Variants in PSMD1 observed in about 807,000 individuals in gnomAD.
PSMD1 encodes the protein 26S proteasome non-ATPase regulatory subunit 1.
Under a neutral mutation model 119.0 loss-of-function variants are expected in PSMD1, and 18 were observed. The observed-to-expected ratio is 0.15, with a 90% CI of 0.10 to 0.22. The LOEUF is 0.22. PSMD1 is among the 10% of genes least tolerant of loss of function. PSMD1 has a pLI of 1.00. For missense variants in PSMD1, 702 were observed against 1,158.5 expected (o/e 0.61, Z 5.72); for synonymous variants, 374 against 396.6 (o/e 0.94, Z 0.68).
At chr2:231,058,520 C>CTTT (rs35559920) in intron 1 of PSMD1, among the ~76,000 whole-genome samples, 8 of 142,684 alleles carry the variant, frequency 5.6e-5, no homozygotes, top group African/African-American at 1.8e-4. Context: ...ATATACAAAC[C>CTTT]TTTTTTTTTT....
At position 231,075,740 on chromosome 2, in the gene PSMD1, C is replaced by T. The variant is rs142124000; in HGVS notation, c.942+169C>T. Among the ~76,000 whole-genome samples, 110 of 152,188 alleles carry T rather than the reference C, an allele frequency of 7.2e-4. No homozygotes were observed. The East Asian group carries it at 0.016, about 23-fold the overall frequency. Reference sequence around the variant, plus strand: ...CTGGGATTGCAGGCATGTACCACCACGCCTGGCTAAGTTTTGTATTTTTTG... The same window carrying T: ...CTGGGATTGCAGGCATGTACCACCATGCCTGGCTAAGTTTTGTATTTTTTG... On this transcript the variant is annotated intron_variant, in intron 8 of 24. Transcript: ENST00000308696.
intron 7 of PSMD1, among the ~76,000 whole-genome samples, chr2:231,073,082 A>G (rs1318138277): frequency 6.6e-6 from 1 of 152,078 alleles, no homozygotes; most frequent in Non-Finnish European, 1.5e-5. Context: ...GTCTCAGGGA[A>G]TAGGGAGTCC....
chr2:231,170,361 G>T lies in PSMD1; in HGVS notation c.2716-205G>T. 2.2e-6 allele frequency: 1 copy of T among 456,506 alleles called. No individual in the cohort carries two copies. The highest frequency in any genetic ancestry group is 3.8e-6 in the Non-Finnish European group (1 of 265,848). The allele number at this position is 456,506 out of a possible 1,614,324, so 28.3% of individuals were successfully genotyped here. The stretch of plus-strand genomic sequence containing the variant: ...TCATCCAAGTAGAACAGCATCACAT[G>T]TTATACCATCTAGAGCTACTGGGTT... On this transcript the variant is annotated intron_variant, in intron 23 of 24. Transcript: ENST00000308696. The surrounding 1 kb of genome is among the most constrained non-coding windows in gnomAD (Gnocchi z 4.1).
At chr2:231,057,193 G>A in intron 1 of PSMD1, 152 bp downstream of exon 1, 1 of 987,262 alleles carries the variant, frequency 1.0e-6, no homozygotes, top group Non-Finnish European at 1.4e-6. Flanking sequence ...CCGGGGGGCT[G>A]GGAGTCTGAT....
At chr2:231,139,510 G>GT (rs1163591651) in intron 17 of PSMD1, among the ~76,000 whole-genome samples, 4 of 141,736 alleles carry the variant, frequency 2.8e-5, no homozygotes, top group Admixed American at 7.1e-5. Flanking sequence ...GCCTCCCACA[G>GT]TGCTGAGATT....
In PSMD1 at chr2:231,170,676, A is replaced by T; in HGVS notation, c.2826A>T (p.Pro942=). ...GPKIEEEEQE[P]EPPEPFEYID... is the part of the protein sequence containing the mutation. ...AAATCGAGGAGGAGGAACAAGAGCC[A>T]GAACCCCCAGAACCATTTGAGTATA... The change falls in exon 24 of 25, where the codon CCA becomes CCT. Residue 942 remains proline (P), a synonymous_variant. Transcript: ENST00000308696. This position sits in a 1 kb window ranked among gnomAD's most constrained non-coding sequence, Gnocchi z 4.1. 6.2e-7 allele frequency: 1 copy of T among 1,613,882 alleles called. No homozygotes were observed. The highest frequency in any genetic ancestry group is 1.3e-5 in the African/African-American group (1 of 75,026).
chr2:231,141,079 G>A (rs899871503), intron 17 of PSMD1, among the ~76,000 whole-genome samples: 9 of 152,148 alleles, frequency 5.9e-5, no homozygotes, highest in South Asian at 2.1e-4. Context: ...ATGCCGAGGC[G>A]GGCGGATCAC....
chr2:231,107,215 C>T (rs916858668), intron 16 of PSMD1, among the ~76,000 whole-genome samples: 1 of 152,192 alleles, frequency 6.6e-6, no homozygotes, highest in African/African-American at 2.4e-5. Context: ...ATTAGAGCCG[C>T]ATTCTAGCAA....
intron 23 of PSMD1, among the ~76,000 whole-genome samples, chr2:231,167,795 A>G (rs1372737238): frequency 1.3e-5 from 2 of 152,254 alleles, no homozygotes; most frequent in African/African-American, 4.8e-5. Flanking sequence ...CCAACTCAAC[A>G]ATAAAAAGAC....
intron 16 of PSMD1, among the ~76,000 whole-genome samples, chr2:231,115,242 G>A (rs765471950): frequency 2.6e-5 from 4 of 151,718 alleles, no homozygotes; most frequent in Non-Finnish European, 1.5e-5. Context: ...AGATTTGGCT[G>A]TTATTTTCAA....
chr2:231,109,453 T>G (rs1559234104), intron 16 of PSMD1: 4 of 1,519,698 alleles, frequency 2.6e-6, no homozygotes, highest in Non-Finnish European at 3.7e-6. Context: ...TTTTATGACC[T>G]GTAACTCTTC....
chr2:231,158,795 T>A (rs1317042768), intron 19 of PSMD1, among the ~76,000 whole-genome samples: 1 of 152,216 alleles, frequency 6.6e-6, no homozygotes, highest in Non-Finnish European at 1.5e-5. Context: ...CTCCTTAGGA[T>A]CTTTTCCAGT....
rs551050748 is a variant in PSMD1, at chr2:231,165,990, G to A, written c.2688G>A (p.Glu896=). ...AGCTTAAGGTCCTAACCATGCCGGA[G>A]ACCTGTAGATACCAGCCTTTCAAAC... ...PAQLKVLTMP[E]TCRYQPFKPL... The change falls in exon 23 of 25, where the codon GAG becomes GAA. Residue 896 remains glutamate (E), a synonymous_variant. Transcript: ENST00000308696. 1.4e-5 allele frequency: 23 copies of A among 1,613,730 alleles called. No individual in the cohort carries two copies. The highest frequency in any genetic ancestry group is 1.3e-5 in the Non-Finnish European group (15 of 1,179,818).
chr2:231,089,250 G>A (rs1013914707), intron 16 of PSMD1, among the ~76,000 whole-genome samples: 1 of 152,208 alleles, frequency 6.6e-6, no homozygotes, highest in African/African-American at 2.4e-5. Flanking sequence ...AAGTTACCCA[G>A]AAGATCTAGC....
In PSMD1 at chr2:231,078,570, A is replaced by G. The variant is rs1574711987; in HGVS notation, c.1072-89A>G. ...AGTTCAGTTTGTTCATGCTTTTACC[A>G]CAAAATAGGACCTCTGACTGTGTGT... On this transcript the variant is annotated intron_variant, in intron 9 of 24. Transcript: ENST00000308696. 5 of 869,184 alleles carry G rather than the reference A, an allele frequency of 5.8e-6. No individual in the cohort carries two copies. In the East Asian group the frequency reaches 1.5e-4, roughly 25 times the overall value. The allele number at this position is 869,184 out of a possible 1,614,324, so 53.8% of individuals were successfully genotyped here.
At position 231,108,260 on chromosome 2, in the gene PSMD1, G is replaced by A; in HGVS notation, c.1883+21079G>A. 1.1e-5 allele frequency: 4 copies of A among 361,396 alleles called. No homozygotes were observed. In the South Asian group the frequency reaches 1.7e-4, roughly 15 times the overall value. The allele number at this position is 361,396 out of a possible 1,614,324, so 22.4% of individuals were successfully genotyped here. A position where few individuals can be genotyped will look rare whatever the true frequency, so the allele number is the denominator to read the frequency against. ...TTTAAAGCCTGAAATTTATTGATTT[G>A]ACTTTATTTCATTCGAATACCTTAA... On this transcript the variant is annotated intron_variant, in intron 16 of 24. Transcript: ENST00000308696.
At chr2:231,146,710 A>C (rs1243971920) in intron 18 of PSMD1, among the ~76,000 whole-genome samples, 1 of 152,190 alleles carries the variant, frequency 6.6e-6, no homozygotes, top group Admixed American at 6.5e-5. Context: ...TAGGATGCAA[A>C]CTTAGGCAGT....
chr2:231,081,208 T>C (rs1268594187), intron 12 of PSMD1, among the ~76,000 whole-genome samples: 2 of 150,828 alleles, frequency 1.3e-5, no homozygotes, highest in African/African-American at 4.9e-5. Flanking sequence ...ATAAGCCCCT[T>C]AGCCACAAAT....
chr2:231,170,631 T>C lies in PSMD1; in HGVS notation c.2781T>C (p.Pro927=), dbSNP rs763531315. The C allele has an allele frequency of 1.2e-6, 2 of 1,614,088 alleles. No individual in the cohort carries two copies. The highest frequency in any genetic ancestry group is 1.7e-6 in the Non-Finnish European group (2 of 1,179,958). The change falls in exon 24 of 25, where the codon CCT becomes CCC. Residue 927 remains proline (P), a synonymous_variant. Coordinates refer to ENST00000308696, the MANE Select transcript of PSMD1 (RefSeq NM_002807.4). The surrounding 1 kb of genome is among the most constrained non-coding windows in gnomAD (Gnocchi z 4.1). ...AAGACATTGAGGAGCTGGTGGAACC[T>C]GTGGCAGCACATGGCCCAAAAATCG... ...TSEDIEELVE[P]VAAHGPKIEE...
Sources: allele counts gnomAD v4.1 joint callset (sites outside exome capture counted in the v4.1 genomes callset), GRCh38; gene constraint gnomAD v4.1.1; non-coding constraint Gnocchi (gnomAD v3.1); transcripts MANE v1.5; gene names NCBI Gene and HGNC (gene_info 2026-07-23, HGNC 2026-07-21).